The following PALM2AKAP2 variants were observed in gnomAD, a reference collection of about 807,000 sequenced individuals.
The protein encoded by PALM2AKAP2 is PALM2 and AKAP2 fusion.
In PALM2AKAP2, 37 loss-of-function variants were observed where a neutral mutation model predicts 71.5. The ratio of observed to expected loss-of-function variants is 0.52; its 90% CI spans 0.40 to 0.68. The LOEUF (loss-of-function observed/expected upper bound fraction) is 0.68, where lower values mean the gene tolerates loss of function less well. Among genes scored for constraint, PALM2AKAP2 ranks in the 30% least tolerant of loss-of-function variants. The probability of loss-of-function intolerance (pLI) is 0.00; values close to 1 mark genes in which losing one functional copy is unlikely to be tolerated. For missense variants in PALM2AKAP2, 1,224 were observed against 1,191.8 expected, an observed-to-expected ratio of 1.03 and a Z score of -0.40; for synonymous variants, 468 against 478.8, an observed-to-expected ratio of 0.98 and a Z score of 0.29.
At chr9:109,939,075 A>G (rs963305647) in intron 6 of PALM2AKAP2, among the ~76,000 whole-genome samples, 2 of 152,106 alleles carry the variant, frequency 1.3e-5, no homozygotes, top group African/African-American at 4.8e-5. Context: ...CCTAATTTAT[A>G]TCTCCACTAA....
intron 7 of PALM2AKAP2, among the ~76,000 whole-genome samples, chr9:110,021,236 C>T (rs1564264527): frequency 6.6e-6 from 1 of 152,142 alleles, no homozygotes. Flanking sequence ...TGTAAGGGGA[C>T]TGAGGCAGAG....
At chr9:109,975,874 G>A (rs373186486) in intron 6 of PALM2AKAP2, among the ~76,000 whole-genome samples, 23 of 152,220 alleles carry the variant, frequency 1.5e-4, no homozygotes, top group African/African-American at 5.1e-4. Flanking sequence ...AGGGTCAGCC[G>A]GTGGGGAGGA....
intron 1 of PALM2AKAP2, among the ~76,000 whole-genome samples, chr9:109,724,704 C>A: frequency 6.6e-6 from 1 of 151,890 alleles, no homozygotes; most frequent in South Asian, 2.1e-4. Flanking sequence ...TGTTATTATC[C>A]CCATTTTATA....
intron 1 of PALM2AKAP2, among the ~76,000 whole-genome samples, chr9:109,645,907 A>G (rs1827145148): frequency 6.6e-6 from 1 of 152,172 alleles, no homozygotes; most frequent in Admixed American, 6.5e-5. Flanking sequence ...ATCTAAAATA[A>G]AATAAAATTT....
At chr9:109,767,392 G>C (rs7048962) in intron 1 of PALM2AKAP2, among the ~76,000 whole-genome samples, 115 of 152,320 alleles carry the variant, frequency 7.5e-4, no homozygotes, top group African/African-American at 2.6e-3. Flanking sequence ...AGGTTCCAGG[G>C]ATTAGGGCGT....
chr9:109,744,207 G>A (rs76457124), intron 1 of PALM2AKAP2, among the ~76,000 whole-genome samples: 6,499 of 152,234 alleles, frequency 0.043, 189 homozygotes, highest in Non-Finnish European at 0.053. Context: ...AGCTATCCAT[G>A]TGATAGGAGA....
intron 1 of PALM2AKAP2, among the ~76,000 whole-genome samples, chr9:109,816,149 G>A (rs1429968312): frequency 6.6e-6 from 1 of 152,182 alleles, no homozygotes; most frequent in African/African-American, 2.4e-5. Context: ...GGAGACCACA[G>A]ATTTGTAGTG....
intron 1 of PALM2AKAP2, among the ~76,000 whole-genome samples, chr9:109,794,669 A>G (rs1283805705): frequency 6.6e-6 from 1 of 151,914 alleles, no homozygotes; most frequent in Non-Finnish European, 1.5e-5. Context: ...AGCAGGATCG[A>G]CCCTAGTGTC....
At chr9:109,764,729 G>A (rs773642169) in intron 1 of PALM2AKAP2, among the ~76,000 whole-genome samples, 31 of 152,170 alleles carry the variant, frequency 2.0e-4, no homozygotes, top group Non-Finnish European at 3.8e-4. Context: ...TGGATGAATG[G>A]ATGGATGGAC....
At chr9:110,128,289 A>C (rs757206224) in intron 1 of PALM2AKAP2, among the ~76,000 whole-genome samples, 32 of 152,242 alleles carry the variant, frequency 2.1e-4, no homozygotes, top group Non-Finnish European at 3.7e-4. Flanking sequence ...GAACCTCTCT[A>C]AAGATAGCCA....
chr9:110,118,386 A>G (rs1483071318), intron 1 of PALM2AKAP2, among the ~76,000 whole-genome samples: 1 of 152,014 alleles, frequency 6.6e-6, no homozygotes, highest in Non-Finnish European at 1.5e-5. Flanking sequence ...AGCTGGGACT[A>G]CAGGAGCCCA....
chr9:109,641,763 C>A (rs1045115887), intron 1 of PALM2AKAP2, among the ~76,000 whole-genome samples: 1 of 152,206 alleles, frequency 6.6e-6, no homozygotes, highest in Non-Finnish European at 1.5e-5. Context: ...GACATTGAGG[C>A]CGTCTGAAAT....
Position 109,901,852 on chromosome 9 carries a change from A to G in PALM2AKAP2, c.257+21171A>G, listed in dbSNP as rs77380310. ...ATGAGAACACCAGAAAGCAAATAAA[A>G]CAAGTCATTCAAAAATCCCAAGATC... On this transcript the variant is annotated intron_variant, in intron 3 of 9. Transcript: ENST00000302798. 4.9e-3 allele frequency among the ~76,000 whole-genome samples: 740 copies of G among 152,310 alleles called. 23 individuals carry two copies. In the East Asian group the frequency reaches 0.092, roughly 19 times the overall value.
At chr9:109,796,567 G>A (rs1423237569) in intron 1 of PALM2AKAP2, among the ~76,000 whole-genome samples, 2 of 152,198 alleles carry the variant, frequency 1.3e-5, no homozygotes, top group African/African-American at 4.8e-5. Flanking sequence ...CTTCCCCTGA[G>A]ACTGGGTAAT....
chr9:110,103,447 T>G (rs917086467), intron 1 of PALM2AKAP2, among the ~76,000 whole-genome samples: 3 of 152,318 alleles, frequency 2.0e-5, no homozygotes, highest in Middle Eastern at 3.4e-3. Context: ...AGTGGTGGTG[T>G]TAAATTTACA....
intron 2 of PALM2AKAP2, among the ~76,000 whole-genome samples, chr9:110,152,812 G>A (rs1836355896): frequency 6.6e-6 from 1 of 152,166 alleles, no homozygotes; most frequent in African/African-American, 2.4e-5. Context: ...CAGAATTCTG[G>A]TGCCTGGTTT....
chr9:110,151,844 G>A (rs1836322880), intron 2 of PALM2AKAP2, among the ~76,000 whole-genome samples: 1 of 152,150 alleles, frequency 6.6e-6, no homozygotes, highest in Admixed American at 6.5e-5. Context: ...TAAATGTCAG[G>A]GCTGGCCATC....
chr9:109,741,272 A>C (rs1477301070), intron 1 of PALM2AKAP2, among the ~76,000 whole-genome samples: 2 of 152,162 alleles, frequency 1.3e-5, no homozygotes, highest in Non-Finnish European at 2.9e-5. Context: ...TTAGAGATTC[A>C]CCTGTGTTGT....
intron 1 of PALM2AKAP2, among the ~76,000 whole-genome samples, chr9:110,082,890 C>A (rs1423649545): frequency 6.6e-6 from 1 of 152,166 alleles, no homozygotes; most frequent in Non-Finnish European, 1.5e-5. Flanking sequence ...GCCTGTAATC[C>A]CAGCACGTTG....
Sources: gnomAD v4.1 joint callset for allele counts (sites outside exome capture counted in the v4.1 genomes callset) on GRCh38, gnomAD v4.1.1 for gene constraint, MANE v1.5 for transcripts, NCBI Gene and HGNC (gene_info 2026-07-23, HGNC 2026-07-21) for gene names.